Variants in SH3RF3 observed in about 807,000 individuals in gnomAD.
SH3RF3 encodes the protein E3 ubiquitin-protein ligase SH3RF3.
SH3RF3 carries 29 observed loss-of-function variants against 66.3 expected under a neutral mutation model. That is an observed-to-expected ratio of 0.44 (90% CI 0.33 to 0.60). The LOEUF (loss-of-function observed/expected upper bound fraction) is 0.60, where lower values mean the gene tolerates loss of function less well. Among genes scored for constraint, SH3RF3 ranks in the 20% least tolerant of loss-of-function variants. SH3RF3 has a pLI of 0.04. For synonymous variants in SH3RF3, 583 were observed against 532.0 expected, an observed-to-expected ratio of 1.10 and a Z score of -1.32; for missense variants, 1,194 against 1,190.9, an observed-to-expected ratio of 1.00 and a Z score of -0.04.
chr2:109,405,700 C>T (rs1165673620), intron 4 of SH3RF3, among the ~76,000 whole-genome samples: 2 of 152,194 alleles, frequency 1.3e-5, no homozygotes, highest in Non-Finnish European at 2.9e-5. Context: ...TTTCTATGGC[C>T]CCATGTCACC....
At chr2:109,246,045 A>T (rs1005286076) in intron 1 of SH3RF3, among the ~76,000 whole-genome samples, 1 of 152,232 alleles carries the variant, frequency 6.6e-6, no homozygotes, top group African/African-American at 2.4e-5. Context: ...AGACACCTGG[A>T]TTCATACTTC....
intron 1 of SH3RF3, among the ~76,000 whole-genome samples, chr2:109,192,307 A>G (rs1233615156): frequency 2.0e-5 from 3 of 152,206 alleles, no homozygotes; most frequent in Non-Finnish European, 2.9e-5. Flanking sequence ...AAGTGATCTG[A>G]GATGCTTGGA....
At chr2:109,158,606 C>G (rs1289426688) in intron 1 of SH3RF3, among the ~76,000 whole-genome samples, 1 of 152,186 alleles carries the variant, frequency 6.6e-6, no homozygotes, top group Non-Finnish European at 1.5e-5. Context: ...GATGATAAGG[C>G]TTGTGTCTCA....
chr2:109,322,303 C>T (rs1682044158), intron 1 of SH3RF3, among the ~76,000 whole-genome samples: 1 of 152,156 alleles, frequency 6.6e-6, no homozygotes, highest in African/African-American at 2.4e-5. Context: ...GCTCTGTAAA[C>T]CCATGGAGTC....
chr2:109,290,628 C>T (rs1225818909), intron 1 of SH3RF3, among the ~76,000 whole-genome samples: 2 of 152,224 alleles, frequency 1.3e-5, no homozygotes, highest in African/African-American at 2.4e-5. Context: ...CTCTGGATTC[C>T]TCCAACTCAG....
At chr2:109,173,304 G>C (rs759367506) in intron 1 of SH3RF3, among the ~76,000 whole-genome samples, 1 of 152,078 alleles carries the variant, frequency 6.6e-6, no homozygotes, top group Non-Finnish European at 1.5e-5. Flanking sequence ...CTGCACTTGC[G>C]TTTTCTCCTC....
chr2:109,266,750 C>T (rs1453008593), intron 1 of SH3RF3, among the ~76,000 whole-genome samples: 2 of 152,156 alleles, frequency 1.3e-5, no homozygotes, highest in African/African-American at 4.8e-5. Context: ...GCTTCATTAA[C>T]AGCCTAACAA....
At chr2:109,291,365 T>C (rs895986319) in intron 1 of SH3RF3, among the ~76,000 whole-genome samples, 6 of 151,944 alleles carry the variant, frequency 3.9e-5, no homozygotes, top group South Asian at 2.1e-4. Context: ...TTGCTTTTGG[T>C]TGGACCAGGC....
chr2:109,323,570 G>A (rs1345138260), intron 1 of SH3RF3, among the ~76,000 whole-genome samples: 5 of 152,196 alleles, frequency 3.3e-5, no homozygotes, highest in African/African-American at 4.8e-5. Context: ...AGCCCCCAGC[G>A]AAGCTTGAAC....
chr2:109,497,856 G>C (rs182464492), intron 9 of SH3RF3, among the ~76,000 whole-genome samples: 1 of 152,364 alleles, frequency 6.6e-6, no homozygotes, highest in East Asian at 1.9e-4. Context: ...TGAGGCAAAA[G>C]CCAAAACTTG....
intron 7 of SH3RF3, among the ~76,000 whole-genome samples, chr2:109,444,722 A>G (rs1677660263): frequency 6.6e-6 from 1 of 152,180 alleles, no homozygotes; most frequent in Admixed American, 6.5e-5. Flanking sequence ...AGCACTAACA[A>G]CAGAACTGCC....
intron 1 of SH3RF3, among the ~76,000 whole-genome samples, chr2:109,190,195 C>T (rs546940422): frequency 3.3e-5 from 5 of 150,828 alleles, no homozygotes; most frequent in Admixed American, 2.0e-4. Context: ...TTTTTTGAGA[C>T]GGAGTCTCAC....
rs1002510297 is a variant in SH3RF3 at position 109,241,250 on chromosome 2, A to G, written c.574-106424A>G. Among the ~76,000 whole-genome samples, 24 of 89,520 alleles carry G rather than the reference A, an allele frequency of 2.7e-4. 1 individual carries two copies. The allele number at this position is 89,520 out of a possible 152,430, so 58.7% of individuals were successfully genotyped here. A position where few individuals can be genotyped will look rare whatever the true frequency, so the allele number is the denominator to read the frequency against. ...TCTCTTGACCTAACAATTCCAGCCT[A>G]AGAATATAACAACAACAACAGAAAA... On this transcript the variant is annotated intron_variant, in intron 1 of 9. Transcript: ENST00000309415.
At chr2:109,318,078 G>A (rs1352967264) in intron 1 of SH3RF3, among the ~76,000 whole-genome samples, 2 of 146,802 alleles carry the variant, frequency 1.4e-5, no homozygotes, top group Admixed American at 1.4e-4. Context: ...TCTAAGCCAT[G>A]AGCACGCTGA....
At chr2:109,303,175 C>T (rs945254981) in intron 1 of SH3RF3, among the ~76,000 whole-genome samples, 1 of 152,192 alleles carries the variant, frequency 6.6e-6, no homozygotes, top group African/African-American at 2.4e-5. Flanking sequence ...CGCGCCCGGC[C>T]GATCTCCTTA....
At chr2:109,231,257 T>C (rs1679507954) in intron 1 of SH3RF3, among the ~76,000 whole-genome samples, 1 of 152,250 alleles carries the variant, frequency 6.6e-6, no homozygotes, top group Non-Finnish European at 1.5e-5. Flanking sequence ...TACTGCTCTT[T>C]CTTCTACAGC....
chr2:109,490,210 C>T (rs1679094381), intron 8 of SH3RF3, among the ~76,000 whole-genome samples: 1 of 152,200 alleles, frequency 6.6e-6, no homozygotes, highest in Non-Finnish European at 1.5e-5. Flanking sequence ...TAGGCACCAG[C>T]CTTGGAAAAT....
At chr2:109,465,542 C>G (rs984194763) in intron 8 of SH3RF3, among the ~76,000 whole-genome samples, 2 of 152,198 alleles carry the variant, frequency 1.3e-5, no homozygotes, top group African/African-American at 2.4e-5. Flanking sequence ...GTAGTGGTCT[C>G]TCATTGTTAT....
chr2:109,405,951 G>A (rs1676442485), intron 4 of SH3RF3, among the ~76,000 whole-genome samples: 1 of 152,232 alleles, frequency 6.6e-6, no homozygotes, highest in African/African-American at 2.4e-5. Flanking sequence ...TGTACATAAA[G>A]CAGCATGGTA....
Sources: gnomAD v4.1 joint callset for allele counts (sites outside exome capture counted in the v4.1 genomes callset) on GRCh38, gnomAD v4.1.1 for gene constraint, MANE v1.5 for transcripts, NCBI Gene and HGNC (gene_info 2026-07-23, HGNC 2026-07-21) for gene names.